MYO3A: variants seen among roughly 807,000 people sequenced by gnomAD.
MYO3A encodes myosin-IIIa.
A neutral mutation model predicts 192.7 loss-of-function variants in MYO3A; 180 were observed. The observed-to-expected ratio is 0.93, with a 90% CI of 0.83 to 1.06. The LOEUF (loss-of-function observed/expected upper bound fraction) is 1.06, where lower values mean the gene tolerates loss of function less well. Among genes scored for constraint, MYO3A ranks in the 50% least tolerant of loss-of-function variants. MYO3A has a pLI of 0.00. For missense variants in MYO3A, 1,896 were observed against 1,905.0 expected (o/e 1.00, Z 0.09); for synonymous variants, 628 against 645.3 (o/e 0.97, Z 0.41).
chr10:25,994,496 G>A (rs1840288606), intron 4 of MYO3A, among the ~76,000 whole-genome samples: 2 of 152,168 alleles, frequency 1.3e-5, no homozygotes, highest in South Asian at 4.1e-4. Context: ...TTTAATTGGA[G>A]CATTTAGTCC....
At chr10:26,103,454 T>C (rs1445846182) in intron 17 of MYO3A, among the ~76,000 whole-genome samples, 1 of 152,220 alleles carries the variant, frequency 6.6e-6, no homozygotes, top group East Asian at 1.9e-4. Flanking sequence ...ATCACCCATC[T>C]TCTTGTTGCT....
intron 32 of MYO3A, among the ~76,000 whole-genome samples, chr10:26,200,356 A>G (rs1335547369): frequency 1.3e-5 from 2 of 152,200 alleles, no homozygotes; most frequent in Admixed American, 1.3e-4. Flanking sequence ...TTTGTTATAC[A>G]ACACTTTTAT....
Position 26,173,791 on chromosome 10 carries a change from C to G in MYO3A, c.3527C>G (p.Thr1176Ser). The change falls in exon 30 of 35, where the codon ACC (threonine) becomes AGC (serine). Residue 1176 changes from threonine (T) to serine (S), a missense_variant. Coordinates refer to ENST00000642920, the MANE Select transcript of MYO3A (RefSeq NM_017433.5). Reference sequence around the variant, plus strand: ...ACTTTCAAACCTGAAGAGGAAACCACCAATGCTGTGGAGAGTAACAACAGA... The same window carrying G: ...ACTTTCAAACCTGAAGAGGAAACCAGCAATGCTGTGGAGAGTAACAACAGA... ...TSTFKPEEET[T>S]NAVESNNRVY... 2 of 1,614,106 alleles carry G rather than the reference C, an allele frequency of 1.2e-6. No individual in the cohort carries two copies. The highest frequency in any genetic ancestry group is 1.7e-6 in the Non-Finnish European group (2 of 1,180,030).
Position 26,068,886 on chromosome 10 carries a change from T to C in MYO3A, c.1170+2T>C. 6.5e-7 allele frequency: 1 copy of C among 1,531,360 alleles called. No individual in the cohort carries two copies. The highest frequency in any genetic ancestry group is 9.0e-7 in the Non-Finnish European group (1 of 1,104,980). 94.9% of individuals were successfully genotyped at this position (1,531,360 alleles called of 1,614,324 possible). On this transcript the variant is annotated splice_donor_variant, in intron 12 of 34. Transcript: ENST00000642920. LOFTEE classifies it high-confidence loss of function. ...AGTCTGGGTCTTTACTCCACAAAGG[T>C]ATGTCGTATGGGGTGCATTCTGTTA...
chr10:26,173,934 A>T lies in MYO3A; in HGVS notation c.3670A>T (p.Asn1224Tyr). The change falls in exon 30 of 35, where the codon AAC (asparagine) becomes TAC (tyrosine). Residue 1224 changes from asparagine (N) to tyrosine (Y), a missense_variant. Asn to Tyr is a moderately radical substitution (Grantham distance 143). Transcript: ENST00000642920. ...KQKSVKDLEE[N>Y]SNLRKVEKEE... ...GAAGTCTGTCAAAGACCTGGAAGAGAACAGCAATCTAAGGAAAGTGGAGAA... is the reference window on the plus strand; with the variant it reads ...GAAGTCTGTCAAAGACCTGGAAGAGTACAGCAATCTAAGGAAAGTGGAGAA... 1 of 1,611,584 alleles carries T rather than the reference A, an allele frequency of 6.2e-7. No homozygotes were observed. Among genetic ancestry groups the T allele is most frequent in the Non-Finnish European group, 8.5e-7 (1 of 1,179,370 alleles).
chr10:26,048,678 T>C (rs988487788), intron 10 of MYO3A, among the ~76,000 whole-genome samples: 1 of 152,184 alleles, frequency 6.6e-6, no homozygotes, highest in African/African-American at 2.4e-5. Flanking sequence ...TTTATTCATA[T>C]AGGTTTGAGG....
chr10:26,133,726 TGGG>T (rs1311248207), intron 20 of MYO3A, among the ~76,000 whole-genome samples: 1 of 152,192 alleles, frequency 6.6e-6, no homozygotes, highest in Non-Finnish European at 1.5e-5. Flanking sequence ...CCTGAGTAGT[TGGG>T]GCCACTGGCG....
intron 7 of MYO3A, among the ~76,000 whole-genome samples, chr10:26,019,353 G>A (rs539416455): frequency 6.6e-6 from 1 of 152,174 alleles, no homozygotes; most frequent in Non-Finnish European, 1.5e-5. Flanking sequence ...CCGCTTCCTG[G>A]GTTCACGCCA....
At chr10:26,204,518 A>G (rs576035724) in intron 34 of MYO3A, 1 of 152,360 alleles carries the variant, frequency 6.6e-6, no homozygotes, top group Non-Finnish European at 1.5e-5. Context: ...GACTGCCTAC[A>G]TTGTGCTAGG....
chr10:26,078,441 T>C (rs981592007), intron 14 of MYO3A, among the ~76,000 whole-genome samples: 27 of 152,224 alleles, frequency 1.8e-4, no homozygotes, highest in South Asian at 4.1e-4. Context: ...ATTTATCTTT[T>C]CAAAGAACCA....
At chr10:25,978,153 GTTAAAC>G (rs1320387394) in intron 4 of MYO3A, among the ~76,000 whole-genome samples, 3 of 152,046 alleles carry the variant, frequency 2.0e-5, no homozygotes, top group Non-Finnish European at 4.4e-5. Flanking sequence ...CCTTTCATAT[GTTAAAC>G]TTAGAGAATG....
chr10:25,961,527 C>G (rs1436262950), intron 4 of MYO3A, among the ~76,000 whole-genome samples: 6 of 150,318 alleles, frequency 4.0e-5, no homozygotes, highest in Non-Finnish European at 7.4e-5. Context: ...AATTTATTAT[C>G]AGATGGAGAT....
At chr10:26,084,391 C>T (rs1001011435) in intron 14 of MYO3A, among the ~76,000 whole-genome samples, 2 of 152,092 alleles carry the variant, frequency 1.3e-5, no homozygotes, top group African/African-American at 4.8e-5. Context: ...GAGAAATTGG[C>T]CTGTGGTTTT....
At chr10:26,182,592 T>C (rs550580699) in intron 31 of MYO3A, among the ~76,000 whole-genome samples, 1 of 152,326 alleles carries the variant, frequency 6.6e-6, no homozygotes, top group South Asian at 2.1e-4. Context: ...CAATAAATAA[T>C]TTTTTTAAGT....
chr10:26,079,551 T>G (rs7073081), intron 14 of MYO3A, among the ~76,000 whole-genome samples: 1 of 151,886 alleles, frequency 6.6e-6, no homozygotes, highest in African/African-American at 2.4e-5. Context: ...TGTTTGTTGC[T>G]CGTGTACTTT....
intron 34 of MYO3A, among the ~76,000 whole-genome samples, chr10:26,206,143 C>T (rs966150700): frequency 4.0e-5 from 6 of 151,768 alleles, no homozygotes; most frequent in Non-Finnish European, 8.8e-5. Context: ...TCACTGCAAC[C>T]TCTGCCTCCC....
intron 2 of MYO3A, among the ~76,000 whole-genome samples, chr10:25,939,186 T>A (rs1836311146): frequency 6.6e-6 from 1 of 152,046 alleles, no homozygotes; most frequent in Admixed American, 6.5e-5. Context: ...ATCTTTTTAG[T>A]CTCTGCTCTA....
At chr10:26,082,706 A>G (rs1836039029) in intron 14 of MYO3A, among the ~76,000 whole-genome samples, 1 of 152,106 alleles carries the variant, frequency 6.6e-6, no homozygotes, top group Non-Finnish European at 1.5e-5. Flanking sequence ...GTATAACACT[A>G]TACTGTAATA....
chr10:26,035,497 A>G (rs1842982325), intron 10 of MYO3A, among the ~76,000 whole-genome samples: 1 of 152,230 alleles, frequency 6.6e-6, no homozygotes. Flanking sequence ...CCATCATGCA[A>G]TCTGCCCACT....
Sources: allele counts gnomAD v4.1 joint callset (sites outside exome capture counted in the v4.1 genomes callset), GRCh38; gene constraint gnomAD v4.1.1; transcripts MANE v1.5; gene names NCBI Gene and HGNC (gene_info 2026-07-23, HGNC 2026-07-21).